The following MED12L variants were observed in gnomAD, a reference collection of about 807,000 sequenced individuals.
The protein encoded by MED12L is mediator complex subunit 12L, also known as mediator of RNA polymerase II transcription subunit 12-like protein.
A neutral mutation model predicts 281.3 loss-of-function variants in MED12L; 60 were observed. That is an observed-to-expected ratio of 0.21 (90% confidence interval 0.17 to 0.26). The LOEUF (loss-of-function observed/expected upper bound fraction) is 0.26. Among genes scored for constraint, MED12L ranks in the 10% least tolerant of loss-of-function variants. The pLI is 1.00. For synonymous variants in MED12L, 974 were observed against 987.2 expected, an observed-to-expected ratio of 0.99 and a Z score of 0.25; for missense variants, 2,146 against 2,680.9, an observed-to-expected ratio of 0.80 and a Z score of 4.41.
At chr3:151,230,618 T>C (rs1731479185) in intron 16 of MED12L, among the ~76,000 whole-genome samples, 1 of 152,118 alleles carries the variant, frequency 6.6e-6, no homozygotes, top group Non-Finnish European at 1.5e-5. Context: ...AATGTTTCTT[T>C]GAACTCTATG....
intron 16 of MED12L, chr3:151,294,082 A>G (rs1037460918): frequency 3.6e-6 from 3 of 841,726 alleles, no homozygotes; most frequent in South Asian, 1.8e-5. Flanking sequence ...CTTTGAATTC[A>G]TATTTTTGAT....
chr3:151,287,774 CTA>C (rs1253760071), intron 16 of MED12L, among the ~76,000 whole-genome samples: 1 of 152,142 alleles, frequency 6.6e-6, no homozygotes, highest in Non-Finnish European at 1.5e-5. Context: ...ATCATTATCA[CTA>C]TTTTTAACTT....
chr3:151,293,351 ACTC>A (rs1323458565), intron 16 of MED12L, among the ~76,000 whole-genome samples: 1 of 151,652 alleles, frequency 6.6e-6, no homozygotes, highest in East Asian at 1.9e-4. Context: ...ACACGCCTTC[ACTC>A]CTCCTCTGTT....
intron 8 of MED12L, among the ~76,000 whole-genome samples, chr3:151,161,809 G>T (rs1202760974): frequency 2.6e-5 from 4 of 152,182 alleles, no homozygotes; most frequent in East Asian, 1.9e-4. Context: ...CTAAACTGGG[G>T]TCTGCAGAAA....
At chr3:151,318,365 T>C (rs867590112) in intron 16 of MED12L, among the ~76,000 whole-genome samples, 4,066 of 151,766 alleles carry the variant, frequency 0.027, 172 homozygotes, top group African/African-American at 0.094. Context: ...TTTCTTCTTT[T>C]TTTTTTTTTG....
intron 17 of MED12L, among the ~76,000 whole-genome samples, chr3:151,351,896 C>T (rs180806585): frequency 6.6e-6 from 1 of 152,262 alleles, no homozygotes; most frequent in East Asian, 1.9e-4. Flanking sequence ...TTGTAGCAGT[C>T]CCTCAAATAG....
chr3:151,107,378 G>T (rs976897060), intron 2 of MED12L, among the ~76,000 whole-genome samples: 1 of 152,098 alleles, frequency 6.6e-6, no homozygotes, highest in African/African-American at 2.4e-5. Flanking sequence ...TAACTCCCCA[G>T]ACTAGTTTAA....
At chr3:151,316,316 T>C (rs1004590035) in intron 16 of MED12L, 1 of 152,070 alleles carries the variant, frequency 6.6e-6, no homozygotes, top group African/African-American at 2.4e-5. Flanking sequence ...GTAAATGTGG[T>C]TTAAAAAAAA....
intron 16 of MED12L, among the ~76,000 whole-genome samples, chr3:151,292,635 C>T (rs531112276): frequency 4.7e-5 from 7 of 149,620 alleles, no homozygotes; most frequent in South Asian, 2.1e-4. Flanking sequence ...TGCAATGGCA[C>T]GATCTCGGCT....
intron 16 of MED12L, among the ~76,000 whole-genome samples, chr3:151,204,150 A>T (rs1726035550): frequency 6.6e-6 from 1 of 152,164 alleles, no homozygotes; most frequent in Admixed American, 6.5e-5. Flanking sequence ...TTGCCTGGTT[A>T]TTTAGGGTCT....
chr3:151,200,322 A>G (rs1725363008), intron 16 of MED12L, among the ~76,000 whole-genome samples: 1 of 152,202 alleles, frequency 6.6e-6, no homozygotes, highest in Non-Finnish European at 1.5e-5. Flanking sequence ...CTAAGGGTAC[A>G]TTAGTAATCT....
rs531704498 is a variant in MED12L at position 151,309,553 on chromosome 3, C to G, written c.2251-40506C>G. Among the ~76,000 whole-genome samples, 7 of 152,296 alleles carry G rather than the reference C, an allele frequency of 4.6e-5. No homozygotes were observed. In the East Asian group the frequency reaches 1.2e-3, roughly 25 times the overall value. ...ACCTTGCATTTTATCCTGAAAATCC[C>G]TTCTGCCTCTTATCTATTAGGCAAG... On this transcript the variant is annotated intron_variant, in intron 16 of 44. Coordinates refer to ENST00000687756, the MANE Select transcript of MED12L (RefSeq NM_001393769.1).
At position 151,203,347 on chromosome 3, in the gene MED12L, A is replaced by G. The variant is rs1725912653; in HGVS notation, c.2250+9681A>G. The G allele has an allele frequency of 2.6e-5, 4 of 151,704 alleles. No homozygotes were observed. The South Asian group carries it at 8.3e-4, about 32-fold the overall frequency. The allele number at this position is 151,704 out of a possible 1,614,324, so 9.4% of individuals were successfully genotyped here. On this transcript the variant is annotated intron_variant, in intron 16 of 44. Coordinates refer to ENST00000687756, the MANE Select transcript of MED12L (RefSeq NM_001393769.1). ...TTTTTTAATGTATACAATTTCATGT[A>G]TGCTTTCTTAAGCAATTTATTTGTC...
chr3:151,324,674 A>T (rs1326573739), intron 16 of MED12L, among the ~76,000 whole-genome samples: 3 of 152,186 alleles, frequency 2.0e-5, no homozygotes, highest in Non-Finnish European at 2.9e-5. Context: ...TTATTAAAGG[A>T]GACAGATGTG....
chr3:151,106,671 A>G (rs1722107919), intron 2 of MED12L, among the ~76,000 whole-genome samples: 3 of 152,096 alleles, frequency 2.0e-5, no homozygotes, highest in East Asian at 1.9e-4. Context: ...GACTTTATCC[A>G]TGCCCATCCT....
At chr3:151,146,704 G>C (rs1041922389) in intron 5 of MED12L, among the ~76,000 whole-genome samples, 1 of 152,196 alleles carries the variant, frequency 6.6e-6, no homozygotes. Flanking sequence ...TGTCCCCAGT[G>C]TTCTACAGGT....
intron 5 of MED12L, among the ~76,000 whole-genome samples, chr3:151,144,077 G>A (rs1487343317): frequency 6.6e-6 from 1 of 152,158 alleles, no homozygotes; most frequent in Non-Finnish European, 1.5e-5. Context: ...GCCTGTTGGT[G>A]GCACATGTTC....
In MED12L at chr3:151,277,478, A is replaced by G. The variant is rs1257640830; in HGVS notation, c.2251-72581A>G. ...ATGTTTTAGAAAGATGAATATACAA[A>G]CTATTTATTTTTTTACTAGTGTGAT... is the stretch of plus-strand genomic sequence containing the variant. On this transcript the variant is annotated intron_variant, in intron 16 of 44. Coordinates refer to ENST00000687756, the MANE Select transcript of MED12L (RefSeq NM_001393769.1). Among the ~76,000 whole-genome samples, 3 of 152,034 alleles carry G rather than the reference A, an allele frequency of 2.0e-5. No individual in the cohort carries two copies. The East Asian group carries it at 5.8e-4, about 29-fold the overall frequency.
intron 16 of MED12L, among the ~76,000 whole-genome samples, chr3:151,264,165 T>C (rs1277893450): frequency 6.6e-6 from 1 of 152,242 alleles, no homozygotes; most frequent in Non-Finnish European, 1.5e-5. Flanking sequence ...AAGATCTCTG[T>C]ACTTGTATTT....
Sources: allele counts gnomAD v4.1 joint callset (sites outside exome capture counted in the v4.1 genomes callset), GRCh38; gene constraint gnomAD v4.1.1; transcripts MANE v1.5; gene names NCBI Gene and HGNC (gene_info 2026-07-23, HGNC 2026-07-21).